Variants in NCAPD3 observed in about 807,000 individuals in gnomAD.
NCAPD3 encodes condensin-2 complex subunit D3.
Under a neutral mutation model 182.9 loss-of-function variants are expected in NCAPD3, and 105 were observed. The ratio of observed to expected loss-of-function variants is 0.57; its 90% confidence interval spans 0.49 to 0.68. The LOEUF (loss-of-function observed/expected upper bound fraction) is 0.68, where lower values mean the gene tolerates loss of function less well. NCAPD3 is among the 30% of genes least tolerant of loss of function. The pLI, the probability that NCAPD3 is intolerant of heterozygous loss-of-function variation, is 0.00. For synonymous variants in NCAPD3, 815 were observed against 679.9 expected (o/e 1.20, Z -3.09); for missense variants, 1,944 against 1,837.0 (o/e 1.06, Z -1.07).
chr11:134,224,064 T>C (rs1938355167), upstream of NCAPD3: 1 of 1,058,870 alleles, frequency 9.4e-7, no homozygotes, highest in Non-Finnish European at 1.4e-6. Context: ...GCCGTTTCCA[T>C]TCGCTCAACC....
chr11:134,186,878 T>C (rs79344315), intron 16 of NCAPD3, among the ~76,000 whole-genome samples: 9,793 of 152,304 alleles, frequency 0.064, 1,104 homozygotes, highest in African/African-American at 0.22. Context: ...TTACTACAGT[T>C]AGCTTACAAC....
chr11:134,152,742 T>A lies in NCAPD3; in HGVS notation c.*202A>T, dbSNP rs933941886. 4 of 469,930 alleles carry A rather than the reference T, an allele frequency of 8.5e-6. No homozygotes were observed. Among genetic ancestry groups the A allele is most frequent in the Non-Finnish European group, 1.1e-5 (3 of 268,686 alleles). 29.1% of individuals were successfully genotyped at this position (469,930 alleles called of 1,614,324 possible). ...GGTAAGAAAATCTAAATCTGGCACA[T>A]CTCTATTATTTGACAGTGTTTAACC... On this transcript the variant is annotated 3_prime_UTR_variant, in exon 35 of 35. Coordinates refer to ENST00000534548, the MANE Select transcript of NCAPD3 (RefSeq NM_015261.3).
chr11:134,163,433 C>G (rs1489599782), intron 27 of NCAPD3, among the ~76,000 whole-genome samples: 1 of 152,074 alleles, frequency 6.6e-6, no homozygotes, highest in Non-Finnish European at 1.5e-5. Context: ...GGTGTGGTGG[C>G]TCATGCCTGT....
chr11:134,182,855 G>A (rs754368857), intron 19 of NCAPD3, among the ~76,000 whole-genome samples: 29 of 152,208 alleles, frequency 1.9e-4, no homozygotes, highest in African/African-American at 5.5e-4. Flanking sequence ...GGAAACAAGC[G>A]GGTCACATGG....
chr11:134,223,345 A>C (rs1938311011), intron 1 of NCAPD3: 1 of 689,454 alleles, frequency 1.5e-6, no homozygotes, highest in Non-Finnish European at 2.7e-6. Context: ...GGACAGTGGT[A>C]GTGGGCATGA....
chr11:134,225,391 C>G (rs369738921), upstream of NCAPD3: 1 of 1,597,014 alleles, frequency 6.3e-7, no homozygotes, highest in Non-Finnish European at 8.6e-7. Context: ...GACAGCCGGC[C>G]GGGGAGCAGG....
intron 24 of NCAPD3, among the ~76,000 whole-genome samples, chr11:134,172,767 T>C (rs1591833993): frequency 6.6e-6 from 1 of 151,640 alleles, no homozygotes. Flanking sequence ...CAGGCCGGGG[T>C]GGTGGCTCAC....
intron 28 of NCAPD3, among the ~76,000 whole-genome samples, chr11:134,161,355 G>C (rs1166615940): frequency 6.6e-6 from 1 of 152,192 alleles, no homozygotes; most frequent in African/African-American, 2.4e-5. Flanking sequence ...AGCTCCGAAG[G>C]CAGCTCCTGC....
At chr11:134,164,122 A>C (rs1014824241) in intron 27 of NCAPD3, among the ~76,000 whole-genome samples, 15 of 152,170 alleles carry the variant, frequency 9.9e-5, no homozygotes, top group Non-Finnish European at 1.9e-4. Flanking sequence ...TGGGAAATAC[A>C]CATTGGCAAT....
In NCAPD3 at chr11:134,184,765, T is replaced by A. The variant is rs1398627504; in HGVS notation, c.2336-13A>T. 2 of 1,594,456 alleles carry A rather than the reference T, an allele frequency of 1.3e-6. No individual in the cohort carries two copies. The highest frequency in any genetic ancestry group is 2.2e-5 in the South Asian group (2 of 90,420). ...CACTTGACAGCATCTATGAAGGAAGTCAAAACCCCTGAAGTTCAACTGCTT... is the reference window on the plus strand; with the variant it reads ...CACTTGACAGCATCTATGAAGGAAGACAAAACCCCTGAAGTTCAACTGCTT... On this transcript the variant is annotated splice_polypyrimidine_tract_variant and intron_variant, in intron 18 of 34. Transcript: ENST00000534548.
chr11:134,203,932 G>A, intron 10 of NCAPD3, 26 bp from the exon 11 acceptor site: 1 of 1,609,320 alleles, frequency 6.2e-7, no homozygotes, highest in Non-Finnish European at 8.5e-7. Flanking sequence ...CATAAGAATT[G>A]CCATCAGATA....
At chr11:134,157,329 A>AC (rs1232707315) in intron 31 of NCAPD3, among the ~76,000 whole-genome samples, 11 of 152,272 alleles carry the variant, frequency 7.2e-5, no homozygotes, top group South Asian at 2.1e-4. Context: ...CATAAGTGAT[A>AC]GAGGACAGTT....
chr11:134,168,045 G>C lies in NCAPD3; in HGVS notation c.3524C>G (p.Ala1175Gly). The C allele has an allele frequency of 6.2e-7, 1 of 1,614,118 alleles. No homozygotes were observed. The highest frequency in any genetic ancestry group is 1.1e-5 in the South Asian group (1 of 91,086). ...KDLLMEEDDM[A>G]LANVVMQEAQ... ...TTCCTGCATGACTACATTTGCCAAG[G>C]CCATGTCATCTTCTTCCATAAGGAG... is the stretch of plus-strand genomic sequence containing the variant. The change falls in exon 27 of 35, where the codon GCC becomes GGC. Residue 1175 changes from alanine to glycine, a missense_variant. Transcript: ENST00000534548.
intron 8 of NCAPD3, among the ~76,000 whole-genome samples, chr11:134,206,394 A>C (rs1049280698): frequency 5.3e-5 from 8 of 152,136 alleles, no homozygotes; most frequent in African/African-American, 1.9e-4. Context: ...GCAGATTCCT[A>C]TCTCTTTAAC....
rs370023465 is a variant in NCAPD3, at chr11:134,204,212, C to T, written c.1090-41G>A. The T allele has an allele frequency of 6.9e-5, 111 of 1,602,922 alleles. No homozygotes were observed. Among genetic ancestry groups the T allele is most frequent in the African/African-American group, 5.1e-4 (38 of 74,728 alleles). On this transcript the variant is annotated intron_variant, in intron 9 of 34. Coordinates refer to ENST00000534548, the MANE Select transcript of NCAPD3 (RefSeq NM_015261.3). This position sits in a 1 kb window ranked among gnomAD's most constrained non-coding sequence, Gnocchi z 4.3. ...AGAAGTTGACCAACCAATATCCACC[C>T]GCAGGATGGCTGAAACATATTCTGT...
rs1288946747 is a variant in NCAPD3, at chr11:134,203,700, C to T, written c.1422G>A (p.Leu474=). The T allele has an allele frequency of 1.2e-6, 2 of 1,613,980 alleles. No individual in the cohort carries two copies. Among genetic ancestry groups the T allele is most frequent in the African/African-American group, 1.3e-5 (1 of 74,926 alleles). Reference sequence around the variant, plus strand: ...TACTCTCCGACGCACTGGTAACAGTCAACTCCAGACAGTGTGCAAAGCTGG... The same window carrying T: ...TACTCTCCGACGCACTGGTAACAGTTAACTCCAGACAGTGTGCAAAGCTGG... ...ALSSFAHCLE[L]TVTSASESIL... is the part of the protein sequence containing the mutation. The change falls in exon 11 of 35, where the codon TTG becomes TTA. Residue 474 remains leucine (L), a synonymous_variant. Transcript: ENST00000534548.
chr11:134,213,152 G>A lies in NCAPD3; in HGVS notation c.383-2698C>T, dbSNP rs561215341. ...CGACCAGCCTGGGCAACAACATAGCGAGACCCTGTCTCTACAAAAATAAAA... is the reference window on the plus strand; with the variant it reads ...CGACCAGCCTGGGCAACAACATAGCAAGACCCTGTCTCTACAAAAATAAAA... On this transcript the variant is annotated intron_variant, in intron 3 of 34. Coordinates refer to ENST00000534548, the MANE Select transcript of NCAPD3 (RefSeq NM_015261.3). Among the ~76,000 whole-genome samples the A allele has an allele frequency of 2.8e-4, 42 of 152,226 alleles. No individual in the cohort carries two copies. In the East Asian group the frequency reaches 7.8e-3, roughly 28 times the overall value.
At position 134,168,204 on chromosome 11, in the gene NCAPD3, C is replaced by CAG. The variant is rs747903174; in HGVS notation, c.3374-11_3374-10dup. The CAG allele has an allele frequency of 2.5e-6, 4 of 1,612,218 alleles. No individual in the cohort carries two copies. Among genetic ancestry groups the CAG allele is most frequent in the African/African-American group, 1.3e-5 (1 of 74,970 alleles). On this transcript the variant is annotated splice_polypyrimidine_tract_variant and intron_variant, in intron 26 of 34. Transcript: ENST00000534548. Reference sequence around the variant, plus strand: ...GCCATCAGCAAAGCACGCTGAGAGACAGAGAGAGAGAAAAACGTGAGCTTC... The same window carrying CAG: ...GCCATCAGCAAAGCACGCTGAGAGACAGAGAGAGAGAGAAAAACGTGAGCTTC...
chr11:134,203,143 T>C lies in NCAPD3; in HGVS notation c.1524A>G (p.Ser508=), dbSNP rs749525317. ...SHPGTLLRNS[S]AFSYQRQTSN... is the part of the protein sequence containing the mutation. ...TTTGAAAATGTATTGATCCATTACC[T>C]GATGAATTTCTCAGTAAGGTACCAG... The change falls in exon 12 of 35, where the codon TCA becomes TCG. Residue 508 remains serine (S), a splice_region_variant and synonymous_variant. Transcript: ENST00000534548. The C allele has an allele frequency of 1.3e-6, 2 of 1,580,172 alleles. No homozygotes were observed. The highest frequency in any genetic ancestry group is 3.3e-5 in the Admixed American group (2 of 59,730).
Sources: allele counts gnomAD v4.1 joint callset (sites outside exome capture counted in the v4.1 genomes callset), GRCh38; gene constraint gnomAD v4.1.1; non-coding constraint Gnocchi (gnomAD v3.1); transcripts MANE v1.5; gene names NCBI Gene and HGNC (gene_info 2026-07-23, HGNC 2026-07-21).